The following PTGS1 variants were observed in gnomAD, a reference collection of about 807,000 sequenced individuals.
PTGS1 encodes prostaglandin-endoperoxide synthase 1.
PTGS1 carries 40 observed loss-of-function variants against 63.0 expected under a neutral mutation model. The observed-to-expected ratio is 0.63, with a 90% CI of 0.49 to 0.83. The LOEUF is 0.83. PTGS1 is among the 40% of genes least tolerant of loss of function. The pLI is 0.00. For synonymous variants in PTGS1, 298 were observed against 301.9 expected (o/e 0.99, Z 0.13); for missense variants, 709 against 786.5 (o/e 0.90, Z 1.18).
rs1837267380 is a variant in PTGS1 at position 122,377,838 on chromosome 9, G to T, written c.95-61G>T. 4 of 1,402,268 alleles carry T rather than the reference G, an allele frequency of 2.9e-6. 1 individual carries two copies. In the South Asian group the frequency reaches 4.6e-5, roughly 16 times the overall value. 86.9% of individuals were successfully genotyped at this position (1,402,268 alleles called of 1,614,324 possible). On this transcript the variant is annotated intron_variant, in intron 2 of 10. Coordinates refer to ENST00000362012, the MANE Select transcript of PTGS1 (RefSeq NM_000962.4). ...CTGGCCCCTCATTCCCCCATCAGGG[G>T]CTAGATGGGGGTCAGGAGGCCACCC...
chr9:122,391,383 A>G (rs1431416027), intron 10 of PTGS1, among the ~76,000 whole-genome samples: 1 of 93,616 alleles, frequency 1.1e-5, no homozygotes, highest in Non-Finnish European at 1.8e-5. Flanking sequence ...ATATATATAT[A>G]TACATATATA....
At position 122,394,157 on chromosome 9, in the gene PTGS1, G is replaced by A. The variant is rs1588147743; in HGVS notation, c.*1613G>A. 1.3e-5 allele frequency: 2 copies of A among 152,332 alleles called. No individual in the cohort carries two copies. The highest frequency in any genetic ancestry group is 4.8e-5 in the African/African-American group (2 of 41,448). The allele number at this position is 152,332 out of a possible 1,614,324, so 9.4% of individuals were successfully genotyped here. A position where few individuals can be genotyped will look rare whatever the true frequency, so the allele number is the denominator to read the frequency against. ...GAGACCCAACAGCAGTGATCTCAGG[G>A]CAGACAGCCCTCCACTCCAGCTCTG... On this transcript the variant is annotated 3_prime_UTR_variant, in exon 11 of 11. Coordinates refer to ENST00000362012, the MANE Select transcript of PTGS1 (RefSeq NM_000962.4).
rs2119148779 is a variant in PTGS1, at chr9:122,381,420, C to T, written c.546C>T (p.Leu182=). ...AGCTCCTGGCCCGCCGCTTCCTGCT[C>T]AGGAGGAAGTTCATACCTGACCCCC... ...DAQLLARRFL[L]RRKFIPDPQG... Residue 182 remains leucine, a synonymous_variant, in exon 6 of 11, where the codon CTC becomes CTT. Coordinates refer to ENST00000362012, the MANE Select transcript of PTGS1 (RefSeq NM_000962.4). 1.9e-6 allele frequency: 3 copies of T among 1,614,188 alleles called. No homozygotes were observed. The highest frequency in any genetic ancestry group is 1.3e-5 in the African/African-American group (1 of 75,042).
chr9:122,383,696 CT>C lies in PTGS1; in HGVS notation c.951del (p.Glu318SerfsTer19), dbSNP rs1837683604. The C allele has an allele frequency of 6.2e-7, 1 of 1,613,900 alleles. No homozygotes were observed. Among genetic ancestry groups the C allele is most frequent in the South Asian group, 1.1e-5 (1 of 91,082 alleles). On this transcript the variant is annotated frameshift_variant, in exon 8 of 11. Coordinates refer to ENST00000362012, the MANE Select transcript of PTGS1 (RefSeq NM_000962.4). LOFTEE classifies it high-confidence loss of function. ...AACCGTGTGTGTGACCTGCTGAAGG[CT>C]GAGCACCCCACCTGGGGCGATGAGC... ...EHNRVCDLLK[A>X]EHPTWGDEQL... is the part of the protein sequence containing the mutation.
intron 2 of PTGS1, among the ~76,000 whole-genome samples, chr9:122,374,490 G>C (rs1255669875): frequency 6.6e-6 from 1 of 152,174 alleles, no homozygotes; most frequent in Non-Finnish European, 1.5e-5. Flanking sequence ...CTTGGTGCCT[G>C]GCCCTGTGCT....
In PTGS1 at chr9:122,383,684, A is replaced by T; in HGVS notation, c.938A>T (p.Asp313Val). 1 of 1,613,940 alleles carries T rather than the reference A, an allele frequency of 6.2e-7. No homozygotes were observed. Among genetic ancestry groups the T allele is most frequent in the Non-Finnish European group, 8.5e-7 (1 of 1,179,920 alleles). ...LWLREHNRVCDLLKAEHPTWG... is the reference protein window; with the variant it reads ...LWLREHNRVCVLLKAEHPTWG... Reference sequence around the variant, plus strand: ...CTACGTGAGCACAACCGTGTGTGTGACCTGCTGAAGGCTGAGCACCCCACC... The same window carrying T: ...CTACGTGAGCACAACCGTGTGTGTGTCCTGCTGAAGGCTGAGCACCCCACC... The change falls in exon 8 of 11, where the codon GAC (aspartate) becomes GTC (valine). Residue 313 changes from aspartate to valine, a missense_variant. By Grantham distance (152) the Asp-to-Val change is radical. Coordinates refer to ENST00000362012, the MANE Select transcript of PTGS1 (RefSeq NM_000962.4).
At position 122,392,524 on chromosome 9, in the gene PTGS1, C is replaced by A. The variant is rs769682753; in HGVS notation, c.1780C>A (p.Arg594=). ...ASQDDGPAVE[R]PSTEL is the part of the protein sequence containing the mutation. ...TCAGGATGATGGGCCTGCTGTGGAG[C>A]GACCATCCACAGAGCTCTGAGGGGC... The change falls in exon 11 of 11, where the codon CGA becomes AGA. Residue 594 remains arginine, a synonymous_variant. Coordinates refer to ENST00000362012, the MANE Select transcript of PTGS1 (RefSeq NM_000962.4). 3 of 1,613,256 alleles carry A rather than the reference C, an allele frequency of 1.9e-6. No homozygotes were observed. In the African/African-American group the frequency reaches 4.0e-5, roughly 22 times the overall value.
intron 7 of PTGS1, 108 bp from the exon 8 acceptor site, chr9:122,383,401 C>G (rs996473995): frequency 1.4e-6 from 2 of 1,461,308 alleles, no homozygotes; most frequent in African/African-American, 1.4e-5. Context: ...GAATCAACAG[C>G]CTTGGCTGAG....
rs1837324069 is a variant in PTGS1, at chr9:122,378,564, G to T, written c.343G>T (p.Val115Leu). The change falls in exon 4 of 11, where the codon GTA becomes TTA. Residue 115 changes from valine to leucine, a missense_variant. By Grantham distance (32) the Val-to-Leu change is conservative (BLOSUM62 1). Coordinates refer to ENST00000362012, the MANE Select transcript of PTGS1 (RefSeq NM_000962.4). Reference protein sequence around the residue: ...TFIREMLMRLVLTVRSNLIPS... With the variant: ...TFIREMLMRLLLTVRSNLIPS... ...CATCCGAGAGATGCTCATGCGCCTG[G>T]TACTCACAGGTGGGTGTGGGGCAGG... 1 of 1,614,112 alleles carries T rather than the reference G, an allele frequency of 6.2e-7. No individual in the cohort carries two copies. Among genetic ancestry groups the T allele is most frequent in the Non-Finnish European group, 8.5e-7 (1 of 1,180,056 alleles).
chr9:122,371,745 A>G, intron 2 of PTGS1: 1 of 1,529,736 alleles, frequency 6.5e-7, no homozygotes, highest in South Asian at 1.2e-5. Context: ...CTTCGGGAGA[A>G]CATGGGAGAT....
intron 2 of PTGS1, chr9:122,371,526 G>A (rs1836809792): frequency 7.4e-7 from 1 of 1,357,078 alleles, no homozygotes. Flanking sequence ...GGGGAGAAGG[G>A]ACAGTCCCTA....
Position 122,394,886 on chromosome 9 carries a change from A to C in PTGS1, c.*2342A>C, listed in dbSNP as rs1292621121. 6.6e-6 allele frequency: 1 copy of C among 152,246 alleles called. No individual in the cohort carries two copies. Among genetic ancestry groups the C allele is most frequent in the Non-Finnish European group, 1.5e-5 (1 of 68,112 alleles). The allele number at this position is 152,246 out of a possible 1,614,324, so 9.4% of individuals were successfully genotyped here. On this transcript the variant is annotated 3_prime_UTR_variant, in exon 11 of 11. Transcript: ENST00000362012. Reference sequence around the variant, plus strand: ...ATTCCAGGAATTCCTCTTTTGCTTAAATCAGTTGGAGTTTGTGTCTGTTGC... The same window carrying C: ...ATTCCAGGAATTCCTCTTTTGCTTACATCAGTTGGAGTTTGTGTCTGTTGC...
intron 10 of PTGS1, among the ~76,000 whole-genome samples, chr9:122,391,396 T>TAC (rs1838257433): frequency 2.3e-5 from 2 of 86,916 alleles, no homozygotes; most frequent in Admixed American, 1.6e-4. Context: ...CATATATATA[T>TAC]ACATATATAT....
intron 8 of PTGS1, 61 bp downstream of exon 8, chr9:122,383,816 G>A (rs756616880): frequency 2.3e-5 from 36 of 1,573,884 alleles, no homozygotes; most frequent in Non-Finnish European, 3.1e-5. Flanking sequence ...AGAAGTTGGG[G>A]GCGGGGGGGT....
At chr9:122,371,319 C>T (rs1464522898) in intron 2 of PTGS1, 47 bp downstream of exon 2, 6 of 1,598,782 alleles carry the variant, frequency 3.8e-6, no homozygotes, top group African/African-American at 1.3e-5. Context: ...TCTTGCGCCC[C>T]TGGCCTGGTT....
intron 10 of PTGS1, among the ~76,000 whole-genome samples, chr9:122,391,374 T>TATATATATATATACATATATATATATAC (rs1838244683): frequency 2.5e-5 from 2 of 81,450 alleles, no homozygotes; most frequent in African/African-American, 5.9e-5. Context: ...TATATATACA[T>TATATATATATATACATATATATATATAC]ATATATATAT....
intron 2 of PTGS1, 137 bp from the exon 3 acceptor site, chr9:122,377,762 A>C (rs943631534): frequency 2.8e-6 from 2 of 723,174 alleles, no homozygotes; most frequent in East Asian, 2.6e-5. Context: ...GGAACCCTGA[A>C]GCCCTGGCAC....
Position 122,378,506 on chromosome 9 carries a change from G to C in PTGS1, c.285G>C (p.Gly95=). Residue 95 remains glycine (G), a synonymous_variant, in exon 4 of 11, where the codon GGG becomes GGC. Transcript: ENST00000362012. ...PSFTHFLLTH[G]RWFWEFVNAT... is the part of the protein sequence containing the mutation. ...TCACCCACTTCCTGCTCACTCACGG[G>C]CGCTGGTTCTGGGAGTTTGTCAATG... 2 of 1,614,204 alleles carry C rather than the reference G, an allele frequency of 1.2e-6. No individual in the cohort carries two copies. The highest frequency in any genetic ancestry group is 2.2e-5 in the East Asian group (1 of 44,882).
chr9:122,379,576 T>C (rs1483720045), intron 5 of PTGS1, among the ~76,000 whole-genome samples: 2 of 152,220 alleles, frequency 1.3e-5, no homozygotes, highest in African/African-American at 4.8e-5. Flanking sequence ...CTTTTTTGGG[T>C]TCAAAACCTT....
Sources: gnomAD v4.1 joint callset for allele counts (sites outside exome capture counted in the v4.1 genomes callset) on GRCh38, gnomAD v4.1.1 for gene constraint, MANE v1.5 for transcripts, NCBI Gene and HGNC (gene_info 2026-07-23, HGNC 2026-07-21) for gene names.